Variants in FEV observed in about 807,000 individuals in gnomAD.
The protein encoded by FEV is FEV transcription factor, ETS family member, also known as protein FEV.
In FEV, 14 loss-of-function variants were observed where a neutral mutation model predicts 20.5. The observed-to-expected ratio is 0.68, with a 90% CI of 0.45 to 1.07. The LOEUF (loss-of-function observed/expected upper bound fraction) is 1.07. FEV is among the 50% of genes least tolerant of loss of function. FEV has a pLI of 0.00. For missense variants in FEV, 301 were observed against 345.3 expected (o/e 0.87, Z 1.02); for synonymous variants, 188 against 163.7 (o/e 1.15, Z -1.13).
At chr2:218,982,661 G>A (rs1368259577) in intron 2 of FEV, among the ~76,000 whole-genome samples, 1 of 152,230 alleles carries the variant, frequency 6.6e-6, no homozygotes, top group African/African-American at 2.4e-5. Context: ...CCCTTATTTA[G>A]GGAAAAGACG....
intron 2 of FEV, among the ~76,000 whole-genome samples, chr2:218,983,429 T>C (rs2106011863): frequency 6.6e-6 from 1 of 152,284 alleles, no homozygotes; most frequent in Non-Finnish European, 1.5e-5. Flanking sequence ...CCCAATCCCT[T>C]CAAGCCAGCC....
intron 2 of FEV, 42 bp from the exon 3 acceptor site, chr2:218,982,298 G>A (rs1359797520): frequency 6.7e-7 from 1 of 1,499,042 alleles, no homozygotes; most frequent in Admixed American, 2.0e-5. Flanking sequence ...GGAGCGGGGA[G>A]GCGGGAACTG....
rs1254704613 is a variant in FEV, at chr2:218,982,149, C to G, written c.235G>C (p.Asp79His). Residue 79 changes from aspartate to histidine, a missense_variant, in exon 3 of 3, where the codon GAC becomes CAC. Asp to His is a moderately conservative substitution (Grantham distance 81). Coordinates refer to ENST00000295727, the MANE Select transcript of FEV (RefSeq NM_017521.3). ...CACCGCCGCGCCACCTCGTCCGGGT[C>G]CGTGAGCTTGAACTCGCCGTGACCG... ...EGGHGEFKLT[D>H]PDEVARRWGE... The G allele has an allele frequency of 1.2e-6, 2 of 1,613,498 alleles. No individual in the cohort carries two copies. The highest frequency in any genetic ancestry group is 8.5e-7 in the Non-Finnish European group (1 of 1,179,880).
Position 218,981,491 on chromosome 2 carries a change from T to C in FEV, c.*176A>G, listed in dbSNP as rs1431459825. 1.5e-5 allele frequency: 7 copies of C among 461,224 alleles called. No homozygotes were observed. The highest frequency in any genetic ancestry group is 2.5e-5 in the Non-Finnish European group (7 of 285,484). The allele number at this position is 461,224 out of a possible 1,614,324, so 28.6% of individuals were successfully genotyped here. A position where few individuals can be genotyped will look rare whatever the true frequency, so the allele number is the denominator to read the frequency against. ...CGGGGTGGGACAGGAGCAAATCTAG[T>C]ACCAGACAAGGATTGAGGGAGCTTC... On this transcript the variant is annotated 3_prime_UTR_variant, in exon 3 of 3. Transcript: ENST00000295727. This position sits in a 1 kb window ranked among gnomAD's most constrained non-coding sequence, Gnocchi z 4.5.
Position 218,982,252 on chromosome 2 carries a change from G to T in FEV, c.132C>A (p.Ser44Arg). The T allele has an allele frequency of 6.3e-7, 1 of 1,578,582 alleles. No homozygotes were observed. Among genetic ancestry groups the T allele is most frequent in the Non-Finnish European group, 8.6e-7 (1 of 1,163,734 alleles). The change falls in exon 3 of 3, where the codon AGC (serine) becomes AGA (arginine). Residue 44 changes from serine (S) to arginine (R), a missense_variant. Transcript: ENST00000295727. ...GPLSPAVQKG[S>R]GQIQLWQFLL... ...GAAACTGCCACAGCTGGATCTGTCC[G>T]CTGCCTGTGGGGAGGGGGGCGGTCA...
rs957976133 is a variant in FEV, at chr2:218,984,185, C to T, written c.127+46G>A. On this transcript the variant is annotated intron_variant, in intron 2 of 2. Transcript: ENST00000295727. The surrounding 1 kb of genome is among the most constrained non-coding windows in gnomAD (Gnocchi z 5.0). ...CACCTACTGTCCGCCTGTGCCCTGA[C>T]CCCAACCAACCTCGCCTCCGCCGCC... is the stretch of plus-strand genomic sequence containing the variant. 2 of 1,548,316 alleles carry T rather than the reference C, an allele frequency of 1.3e-6. No individual in the cohort carries two copies. The highest frequency in any genetic ancestry group is 1.7e-6 in the Non-Finnish European group (2 of 1,144,044).
chr2:218,985,106 G>A lies in FEV; in HGVS notation c.-31C>T. ...CCGGGGACTGGGCGGTGGGAGATGGGGGGGACGGGGAAGGGGGGCGAGGCA... is the reference window on the plus strand; with the variant it reads ...CCGGGGACTGGGCGGTGGGAGATGGAGGGGACGGGGAAGGGGGGCGAGGCA... On this transcript the variant is annotated 5_prime_UTR_variant, in exon 1 of 3. Coordinates refer to ENST00000295727, the MANE Select transcript of FEV (RefSeq NM_017521.3). 1 of 1,492,144 alleles carries A rather than the reference G, an allele frequency of 6.7e-7. No homozygotes were observed. 92.4% of individuals were successfully genotyped at this position (1,492,144 alleles called of 1,614,324 possible).
At position 218,985,064 on chromosome 2, in the gene FEV, G is replaced by A; in HGVS notation, c.12C>T (p.Ser4=). The change falls in exon 1 of 3, where the codon AGC becomes AGT. Residue 4 remains serine (S), a synonymous_variant. Transcript: ENST00000295727. MRQ[S]GASQPLLINM... is the part of the protein sequence containing the mutation. ...TGATCAGCAGGGGCTGGGAGGCGCCGCTCTGTCTCATCGCCGCCGGGGACT... is the reference window on the plus strand; with the variant it reads ...TGATCAGCAGGGGCTGGGAGGCGCCACTCTGTCTCATCGCCGCCGGGGACT... The A allele has an allele frequency of 9.0e-6, 14 of 1,556,954 alleles. No individual in the cohort carries two copies. Among genetic ancestry groups the A allele is most frequent in the East Asian group, 2.4e-5 (1 of 41,146 alleles).
At position 218,984,410 on chromosome 2, in the gene FEV, G is replaced by A; in HGVS notation, c.53-105C>T. The A allele has an allele frequency of 8.8e-7, 1 of 1,137,416 alleles. No individual in the cohort carries two copies. Among genetic ancestry groups the A allele is most frequent in the Admixed American group, 2.9e-5 (1 of 34,436 alleles). 70.5% of individuals were successfully genotyped at this position (1,137,416 alleles called of 1,614,324 possible). A position where few individuals can be genotyped will look rare whatever the true frequency, so the allele number is the denominator to read the frequency against. On this transcript the variant is annotated intron_variant, in intron 1 of 2. Transcript: ENST00000295727. This position sits in a 1 kb window ranked among gnomAD's most constrained non-coding sequence, Gnocchi z 5.0. ...TTAAGGGGGGTGCTGTGGTCCCCAG[G>A]CGCGAGGCTGGGGGCCCGGGCCACC...
rs1433481999 is a variant in FEV, at chr2:218,984,424, G to C, written c.53-119C>G. The C allele has an allele frequency of 1.0e-6, 1 of 955,126 alleles. No homozygotes were observed. Among genetic ancestry groups the C allele is most frequent in the Admixed American group, 3.0e-5 (1 of 33,010 alleles). The allele number at this position is 955,126 out of a possible 1,614,324, so 59.2% of individuals were successfully genotyped here. ...GTGGTCCCCAGGCGCGAGGCTGGGG[G>C]CCCGGGCCACCCGGCTCCTCCTCCC... On this transcript the variant is annotated intron_variant, in intron 1 of 2. Transcript: ENST00000295727. The surrounding 1 kb of genome is among the most constrained non-coding windows in gnomAD (Gnocchi z 5.0).
At position 218,984,990 on chromosome 2, in the gene FEV, C is replaced by A; in HGVS notation, c.52+34G>T. The A allele has an allele frequency of 6.5e-7, 1 of 1,544,504 alleles. No individual in the cohort carries two copies. The highest frequency in any genetic ancestry group is 2.0e-5 in the Admixed American group (1 of 51,040). On this transcript the variant is annotated intron_variant, in intron 1 of 2. Coordinates refer to ENST00000295727, the MANE Select transcript of FEV (RefSeq NM_017521.3). The surrounding 1 kb of genome is among the most constrained non-coding windows in gnomAD (Gnocchi z 5.0). Reference sequence around the variant, plus strand: ...GAGCCTAGACTTCCCGCCCCAGGTTCCGGTGCCACCAGCCTCCGGCTGGTC... The same window carrying A: ...GAGCCTAGACTTCCCGCCCCAGGTTACGGTGCCACCAGCCTCCGGCTGGTC...
Position 218,982,156 on chromosome 2 carries a change from C to T in FEV, c.228G>A (p.Lys76=). ...IAWEGGHGEF[K]LTDPDEVARR... is the part of the protein sequence containing the mutation. ...GCGCCACCTCGTCCGGGTCCGTGAGCTTGAACTCGCCGTGACCGCCCTCCC... is the reference window on the plus strand; with the variant it reads ...GCGCCACCTCGTCCGGGTCCGTGAGTTTGAACTCGCCGTGACCGCCCTCCC... Residue 76 remains lysine, a synonymous_variant, in exon 3 of 3, where the codon AAG becomes AAA. Transcript: ENST00000295727. The T allele has an allele frequency of 4.3e-6, 7 of 1,613,398 alleles. No homozygotes were observed. In the East Asian group the frequency reaches 6.7e-5, roughly 15 times the overall value.
Position 218,982,206 on chromosome 2 carries a change from G to T in FEV, c.178C>A (p.Arg60Ser), listed in dbSNP as rs1440372995. ...CACGCGATGCAGCCGGCGTTCGCGC[G>T]GTCAGCCAGCAGCTCCAGCAGAAAC... ...WQFLLELLAD[R>S]ANAGCIAWEG... The change falls in exon 3 of 3, where the codon CGC becomes AGC. Residue 60 changes from arginine to serine, a missense_variant. Coordinates refer to ENST00000295727, the MANE Select transcript of FEV (RefSeq NM_017521.3). The T allele has an allele frequency of 1.9e-6, 3 of 1,609,148 alleles. No individual in the cohort carries two copies. The highest frequency in any genetic ancestry group is 2.5e-6 in the Non-Finnish European group (3 of 1,178,328).
Position 218,982,111 on chromosome 2 carries a change from C to A in FEV, c.273G>T (p.Lys91Asn). 6.2e-7 allele frequency: 1 copy of A among 1,613,772 alleles called. No individual in the cohort carries two copies. Among genetic ancestry groups the A allele is most frequent in the Non-Finnish European group, 8.5e-7 (1 of 1,179,872 alleles). ...TGTCGTAGTTCATGTTGGGCTTGCT[C>A]TTGCGCTCGCCCCACCGCCGCGCCA... ...DEVARRWGER[K>N]SKPNMNYDKL... The change falls in exon 3 of 3, where the codon AAG (lysine) becomes AAT (asparagine). Residue 91 changes from lysine to asparagine, a missense_variant. Lys to Asn is a moderately conservative substitution (Grantham distance 94). Coordinates refer to ENST00000295727, the MANE Select transcript of FEV (RefSeq NM_017521.3).
rs201649508 is a variant in FEV at position 218,982,119 on chromosome 2, C to G, written c.265G>C (p.Glu89Gln). ...TTCATGTTGGGCTTGCTCTTGCGCT[C>G]GCCCCACCGCCGCGCCACCTCGTCC... ...DPDEVARRWG[E>Q]RKSKPNMNYD... The change falls in exon 3 of 3, where the codon GAG becomes CAG. Residue 89 changes from glutamate (E) to glutamine (Q), a missense_variant. Transcript: ENST00000295727. The G allele has an allele frequency of 1.9e-6, 3 of 1,613,546 alleles. No homozygotes were observed. The highest frequency in any genetic ancestry group is 1.7e-5 in the Admixed American group (1 of 59,998).
At chr2:218,983,273 T>A (rs1000644750) in intron 2 of FEV, among the ~76,000 whole-genome samples, 39 of 152,302 alleles carry the variant, frequency 2.6e-4, no homozygotes, top group African/African-American at 9.4e-4. Context: ...AAAATCCCGA[T>A]ACAATTACCC....
chr2:218,983,194 A>G (rs948940440), intron 2 of FEV, among the ~76,000 whole-genome samples: 3 of 152,054 alleles, frequency 2.0e-5, no homozygotes, highest in African/African-American at 7.2e-5. Flanking sequence ...AGGATATGCG[A>G]GTGGTTAGAG....
At position 218,981,765 on chromosome 2, in the gene FEV, C is replaced by T. The variant is rs1945388454; in HGVS notation, c.619G>A (p.Ala207Thr). The stretch of plus-strand genomic sequence containing the variant: ...GGACTGGGGTAGAGCGCGGCGGTGG[C>T]GGCGGCAGCGGTGGCGGCGGGGCCC... ...GPGPAATAAA[A>T]TAALYPSPSL... Residue 207 changes from alanine to threonine, a missense_variant, in exon 3 of 3, where the codon GCC becomes ACC. Ala to Thr is a moderately conservative substitution (Grantham distance 58, BLOSUM62 0). Coordinates refer to ENST00000295727, the MANE Select transcript of FEV (RefSeq NM_017521.3). This position sits in a 1 kb window ranked among gnomAD's most constrained non-coding sequence, Gnocchi z 4.5. 3.2e-6 allele frequency: 4 copies of T among 1,269,482 alleles called. No individual in the cohort carries two copies. Among genetic ancestry groups the T allele is most frequent in the Non-Finnish European group, 3.9e-6 (4 of 1,015,034 alleles). 78.6% of individuals were successfully genotyped at this position (1,269,482 alleles called of 1,614,324 possible). A position where few individuals can be genotyped will look rare whatever the true frequency, so the allele number is the denominator to read the frequency against.
rs1446170031 is a variant in FEV at position 218,984,418 on chromosome 2, C to G, written c.53-113G>C. 1 of 1,084,938 alleles carries G rather than the reference C, an allele frequency of 9.2e-7. No individual in the cohort carries two copies. The highest frequency in any genetic ancestry group is 1.3e-6 in the Non-Finnish European group (1 of 778,974). 67.2% of individuals were successfully genotyped at this position (1,084,938 alleles called of 1,614,324 possible). A position where few individuals can be genotyped will look rare whatever the true frequency, so the allele number is the denominator to read the frequency against. The stretch of plus-strand genomic sequence containing the variant: ...GGTGCTGTGGTCCCCAGGCGCGAGG[C>G]TGGGGGCCCGGGCCACCCGGCTCCT... On this transcript the variant is annotated intron_variant, in intron 1 of 2. Coordinates refer to ENST00000295727, the MANE Select transcript of FEV (RefSeq NM_017521.3). The surrounding 1 kb of genome is among the most constrained non-coding windows in gnomAD (Gnocchi z 5.0).
Sources: allele counts gnomAD v4.1 joint callset (sites outside exome capture counted in the v4.1 genomes callset), GRCh38; gene constraint gnomAD v4.1.1; non-coding constraint Gnocchi (gnomAD v3.1); transcripts MANE v1.5; gene names NCBI Gene and HGNC (gene_info 2026-07-23, HGNC 2026-07-21).